The following HTATIP2 variants were observed in gnomAD, a reference collection of about 807,000 sequenced individuals.
HTATIP2 encodes the protein protein HTATIP2.
In HTATIP2, 26 loss-of-function variants were observed where a neutral mutation model predicts 24.7. The ratio of observed to expected loss-of-function variants is 1.05; its 90% CI spans 0.77 to 1.46. The LOEUF is 1.46. Among genes scored for constraint, HTATIP2 ranks in the 40% most tolerant of loss-of-function variants. The probability of loss-of-function intolerance (pLI) is 0.00; values close to 1 mark genes in which losing one functional copy is unlikely to be tolerated. For missense variants in HTATIP2, 284 were observed against 289.6 expected (o/e 0.98, Z 0.14); for synonymous variants, 99 against 113.2 (o/e 0.87, Z 0.79).
rs544099135 is a variant in HTATIP2, at chr11:20,378,608, C to T, written c.441+1891C>T. ...ATTTCCTCATTGTTAAAGATAAAGG[C>T]GTTACTACTGACTCACTGGGTTATA... On this transcript the variant is annotated intron_variant, in intron 3 of 4. Transcript: ENST00000451739. 1.7e-4 allele frequency among the ~76,000 whole-genome samples: 26 copies of T among 152,194 alleles called. No individual in the cohort carries two copies. In the South Asian group the frequency reaches 3.9e-3, roughly 23 times the overall value.
rs949061534 is a variant in HTATIP2 at position 20,373,597 on chromosome 11, C to G, written c.304-2983C>G. Among the ~76,000 whole-genome samples, 5 of 152,114 alleles carry G rather than the reference C, an allele frequency of 3.3e-5. 1 individual carries two copies. In the South Asian group the frequency reaches 6.2e-4, roughly 19 times the overall value. Reference sequence around the variant, plus strand: ...TACTATAATAATCCTTCCAATCAATCTTGCTAAAACAACAACAACAAAAAA... The same window carrying G: ...TACTATAATAATCCTTCCAATCAATGTTGCTAAAACAACAACAACAAAAAA... On this transcript the variant is annotated intron_variant, in intron 2 of 4. Coordinates refer to ENST00000451739, the MANE Select transcript of HTATIP2 (RefSeq NM_001098522.2).
Position 20,363,916 on chromosome 11 carries a change from A to C in HTATIP2, c.-322A>C, listed in dbSNP as rs943356361. ...CGGGGCCGGGGGCTGGCCCCAGGTA[A>C]CCCCTCCGCGTATGGGACCGAGCTG... On this transcript the variant is annotated 5_prime_UTR_variant, in exon 1 of 5. The change abolishes the stop of an existing upstream ORF in the 5' untranslated region. Transcript: ENST00000451739. 1 of 1,241,734 alleles carries C rather than the reference A, an allele frequency of 8.1e-7. No individual in the cohort carries two copies. The highest frequency in any genetic ancestry group is 1.0e-6 in the Non-Finnish European group (1 of 989,484). The allele number at this position is 1,241,734 out of a possible 1,614,324, so 76.9% of individuals were successfully genotyped here.
intron 3 of HTATIP2, among the ~76,000 whole-genome samples, chr11:20,381,116 C>A (rs1054196090): frequency 1.4e-5 from 2 of 146,988 alleles, no homozygotes; most frequent in Admixed American, 7.0e-5. Flanking sequence ...TTACAGAGTT[C>A]TGTGTATATA....
chr11:20,366,337 C>A (rs1392671106), intron 1 of HTATIP2, among the ~76,000 whole-genome samples: 1 of 151,736 alleles, frequency 6.6e-6, no homozygotes, highest in Non-Finnish European at 1.5e-5. Context: ...GATCTCCTGA[C>A]CTCGTGATCC....
chr11:20,376,479 C>G (rs984686130), intron 2 of HTATIP2, 101 bp from the exon 3 acceptor site: 6 of 1,268,354 alleles, frequency 4.7e-6, no homozygotes, highest in African/African-American at 4.5e-5. Flanking sequence ...ATTTAGATCT[C>G]CATCCTTCTA....
intron 3 of HTATIP2, among the ~76,000 whole-genome samples, chr11:20,378,554 C>G (rs987834607): frequency 6.6e-6 from 1 of 152,084 alleles, no homozygotes; most frequent in Non-Finnish European, 1.5e-5. Flanking sequence ...AACATTTATA[C>G]CTTTTAGGAA....
chr11:20,382,154 T>G lies in HTATIP2; in HGVS notation c.442-24T>G, dbSNP rs762925637. 2.7e-6 allele frequency: 4 copies of G among 1,456,254 alleles called. No homozygotes were observed. In the South Asian group the frequency reaches 3.4e-5, roughly 12 times the overall value. The allele number at this position is 1,456,254 out of a possible 1,614,324, so 90.2% of individuals were successfully genotyped here. ...AGGTGAGCTGGTCGCGATTAAATAC[T>G]GAAAATGTGTTTTTTCTTAATAGGG... On this transcript the variant is annotated intron_variant, in intron 3 of 4. Coordinates refer to ENST00000451739, the MANE Select transcript of HTATIP2 (RefSeq NM_001098522.2).
At chr11:20,376,321 T>A (rs1848445113) in intron 2 of HTATIP2, 1 of 464,964 alleles carries the variant, frequency 2.2e-6, no homozygotes, top group East Asian at 4.1e-5. Flanking sequence ...GCAGATTTGT[T>A]TGGTGTCTGT....
chr11:20,366,907 T>C (rs938000965), intron 1 of HTATIP2, among the ~76,000 whole-genome samples: 5 of 152,148 alleles, frequency 3.3e-5, no homozygotes, highest in African/African-American at 1.2e-4. Flanking sequence ...GTCTTTTATT[T>C]TTCCAGAGAG....
At chr11:20,373,403 T>C (rs1018298204) in intron 2 of HTATIP2, among the ~76,000 whole-genome samples, 2 of 152,184 alleles carry the variant, frequency 1.3e-5, no homozygotes, top group African/African-American at 4.8e-5. Context: ...TAAGGAGAGG[T>C]TGATCCAGAA....
intron 2 of HTATIP2, among the ~76,000 whole-genome samples, chr11:20,375,435 G>C (rs1279523987): frequency 6.6e-6 from 1 of 152,180 alleles, no homozygotes; most frequent in African/African-American, 2.4e-5. Context: ...GCCGGACATG[G>C]TGACATGTGT....
In HTATIP2 at chr11:20,366,445, A is replaced by G. The variant is rs75663613; in HGVS notation, c.196-729A>G. On this transcript the variant is annotated intron_variant, in intron 1 of 4. Transcript: ENST00000451739. ...CAGAAAAATTCTTTTCAGAGTTGAC[A>G]GTAAGGATGGAAACCAACATTTTAT... Among the ~76,000 whole-genome samples the G allele has an allele frequency of 9.7e-3, 1,481 of 152,234 alleles. 26 individuals carry two copies. The highest frequency in any genetic ancestry group is 0.034 in the African/African-American group (1,408 of 41,528).
intron 2 of HTATIP2, among the ~76,000 whole-genome samples, chr11:20,368,459 G>C (rs1244422750): frequency 2.0e-5 from 3 of 152,214 alleles, no homozygotes; most frequent in Non-Finnish European, 4.4e-5. Flanking sequence ...GGAGCTCTGT[G>C]ATGGGAACTA....
chr11:20,363,750 G>C lies in HTATIP2; in HGVS notation c.-488G>C. 1.6e-6 allele frequency: 2 copies of C among 1,235,602 alleles called. No homozygotes were observed. Among genetic ancestry groups the C allele is most frequent in the South Asian group, 4.2e-5 (1 of 23,798 alleles). 76.5% of individuals were successfully genotyped at this position (1,235,602 alleles called of 1,614,324 possible). On this transcript the variant is annotated 5_prime_UTR_variant, in exon 1 of 5. Coordinates refer to ENST00000451739, the MANE Select transcript of HTATIP2 (RefSeq NM_001098522.2). ...GAGGCCACCCGGAAGACCAAGCCGG[G>C]TAGGCGCTGTCTCCGTCGCCTCCAA...
intron 1 of HTATIP2, 63 bp from the exon 2 acceptor site, chr11:20,367,111 G>C: frequency 6.3e-7 from 1 of 1,580,202 alleles, no homozygotes; most frequent in Non-Finnish European, 8.6e-7. Flanking sequence ...TTTAAATCTA[G>C]AGGGGGTTTT....
chr11:20,376,595 G>T lies in HTATIP2; in HGVS notation c.319G>T (p.Val107Phe). 6.2e-7 allele frequency: 1 copy of T among 1,613,934 alleles called. No individual in the cohort carries two copies. Among genetic ancestry groups the T allele is most frequent in the South Asian group, 1.1e-5 (1 of 91,046 alleles). Residue 107 changes from valine to phenylalanine, a missense_variant, in exon 3 of 5, where the codon GTT becomes TTT. Coordinates refer to ENST00000451739, the MANE Select transcript of HTATIP2 (RefSeq NM_001098522.2). ...TCCCCCTTAGGAGGGATTTGTTCGT[G>T]TTGACCGAGATTATGTGCTGAAGTC... is the stretch of plus-strand genomic sequence containing the variant. ...GKAGAEGFVR[V>F]DRDYVLKSAE...
chr11:20,378,041 A>G (rs1420308968), intron 3 of HTATIP2, among the ~76,000 whole-genome samples: 1 of 152,052 alleles, frequency 6.6e-6, no homozygotes, highest in Non-Finnish European at 1.5e-5. Context: ...TCCGAACACT[A>G]TGTTTTTTTA....
At chr11:20,380,204 A>G (rs991090924) in intron 3 of HTATIP2, among the ~76,000 whole-genome samples, 3 of 152,212 alleles carry the variant, frequency 2.0e-5, no homozygotes, top group African/African-American at 7.2e-5. Flanking sequence ...CAGTTTAGGC[A>G]TAGTACATGA....
intron 3 of HTATIP2, among the ~76,000 whole-genome samples, chr11:20,377,183 G>A (rs1848459976): frequency 7.2e-6 from 1 of 138,874 alleles, no homozygotes; most frequent in African/African-American, 2.7e-5. Context: ...GCATGATCTT[G>A]GCTCGCTGCA....
Sources: gnomAD v4.1 joint callset for allele counts (sites outside exome capture counted in the v4.1 genomes callset) on GRCh38, gnomAD v4.1.1 for gene constraint, MANE v1.5 for transcripts, NCBI Gene and HGNC (gene_info 2026-07-23, HGNC 2026-07-21) for gene names.